R3HDM1: variants seen among roughly 807,000 people sequenced by gnomAD.
R3HDM1 encodes the protein R3H domain-containing protein 1.
In R3HDM1, 46 loss-of-function variants were observed where a neutral mutation model predicts 141.1. That is an observed-to-expected ratio of 0.33 (90% CI 0.26 to 0.42). The LOEUF (loss-of-function observed/expected upper bound fraction) is 0.42. Ranked by LOEUF, R3HDM1 falls within the 10% of genes least tolerant of loss-of-function variation. The pLI, the probability that R3HDM1 is intolerant of heterozygous loss-of-function variation, is 1.00. For synonymous variants in R3HDM1, 435 were observed against 472.9 expected, an observed-to-expected ratio of 0.92 and a Z score of 1.04; for missense variants, 1,184 against 1,368.3, an observed-to-expected ratio of 0.87 and a Z score of 2.12.
At chr2:135,552,844 G>A (rs1700075628) in intron 1 of R3HDM1, among the ~76,000 whole-genome samples, 1 of 152,022 alleles carries the variant, frequency 6.6e-6, no homozygotes, top group Admixed American at 6.6e-5. Flanking sequence ...TTTGTGAAGT[G>A]GAACAGTTTG....
chr2:135,717,635 T>C (rs139902179), intron 24 of R3HDM1, among the ~76,000 whole-genome samples: 114 of 152,226 alleles, frequency 7.5e-4, no homozygotes, highest in African/African-American at 2.6e-3. Context: ...ACCTGGGTGA[T>C]AAAATAATAA....
At chr2:135,666,355 A>G (rs1395576587) in intron 19 of R3HDM1, among the ~76,000 whole-genome samples, 4 of 152,348 alleles carry the variant, frequency 2.6e-5, no homozygotes, top group Admixed American at 6.5e-5. Context: ...CAATCCAAGT[A>G]ATAGGAATTT....
intron 1 of R3HDM1, among the ~76,000 whole-genome samples, chr2:135,563,032 ATCC>A (rs1702072067): frequency 6.6e-6 from 1 of 152,194 alleles, no homozygotes; most frequent in African/African-American, 2.4e-5. Context: ...TTATTTGGTC[ATCC>A]TCACTGTTGT....
At position 135,667,699 on chromosome 2, in the gene R3HDM1, CT is replaced by C. The variant is rs1219804775; in HGVS notation, c.2152+6310del. The C allele has an allele frequency of 7.2e-6, 7 of 977,120 alleles. No homozygotes were observed. In the African/African-American group the frequency reaches 1.2e-4, roughly 17 times the overall value. The allele number at this position is 977,120 out of a possible 1,614,324, so 60.5% of individuals were successfully genotyped here. On this transcript the variant is annotated intron_variant, in intron 19 of 26. Transcript: ENST00000683871. The stretch of plus-strand genomic sequence containing the variant: ...GTAGCATTTTTGAAACCTGTTGATA[CT>C]TTTCATTCTCTAGAAATCTACTTCT...
chr2:135,583,770 A>G (rs1316704053), intron 1 of R3HDM1: 10 of 985,356 alleles, frequency 1.0e-5, no homozygotes, highest in Non-Finnish European at 1.2e-5. Context: ...AGATCTTTAA[A>G]AAGTTCCGCA....
intron 1 of R3HDM1, among the ~76,000 whole-genome samples, chr2:135,546,127 CAA>C (rs1698650203): frequency 6.6e-6 from 1 of 152,200 alleles, no homozygotes; most frequent in African/African-American, 2.4e-5. Context: ...ATTCTAGTGA[CAA>C]GAGCGCATTC....
At chr2:135,549,769 G>A (rs1212762759) in intron 1 of R3HDM1, among the ~76,000 whole-genome samples, 1 of 152,120 alleles carries the variant, frequency 6.6e-6, no homozygotes, top group African/African-American at 2.4e-5. Context: ...TAAATGGAAT[G>A]GGTGTTTTAC....
At chr2:135,639,198 A>G in intron 14 of R3HDM1, 76 bp downstream of exon 14, 3 of 1,364,018 alleles carry the variant, frequency 2.2e-6, no homozygotes, top group Non-Finnish European at 3.1e-6. Context: ...TATTTATCAG[A>G]TGGCTTCTAA....
intron 1 of R3HDM1, among the ~76,000 whole-genome samples, chr2:135,547,163 G>C (rs1006181296): frequency 6.6e-6 from 1 of 152,116 alleles, no homozygotes; most frequent in African/African-American, 2.4e-5. Flanking sequence ...GAAGGCATGG[G>C]ATAGAAAACT....
At chr2:135,587,356 A>G (rs1380043700) in intron 1 of R3HDM1, among the ~76,000 whole-genome samples, 2 of 152,062 alleles carry the variant, frequency 1.3e-5, no homozygotes, top group South Asian at 2.1e-4. Context: ...AATTGTTATG[A>G]TATGAATTCC....
intron 1 of R3HDM1, among the ~76,000 whole-genome samples, chr2:135,572,091 G>A (rs1305272093): frequency 3.3e-5 from 5 of 152,132 alleles, no homozygotes; most frequent in Admixed American, 1.3e-4. Context: ...CCAGGTGGCT[G>A]GGATTACAGG....
At chr2:135,639,569 T>G (rs1330505703) in intron 14 of R3HDM1, among the ~76,000 whole-genome samples, 1 of 152,198 alleles carries the variant, frequency 6.6e-6, no homozygotes, top group Admixed American at 6.5e-5. Flanking sequence ...TTAAAAAAAT[T>G]AAATTGCTGA....
intron 7 of R3HDM1, among the ~76,000 whole-genome samples, chr2:135,629,469 G>C (rs1380538723): frequency 6.6e-6 from 1 of 152,180 alleles, no homozygotes; most frequent in Non-Finnish European, 1.5e-5. Flanking sequence ...CCTTCTGGAT[G>C]AAGTAATTTT....
intron 1 of R3HDM1, among the ~76,000 whole-genome samples, chr2:135,600,792 G>A (rs1300201134): frequency 6.6e-6 from 1 of 152,148 alleles, no homozygotes; most frequent in Non-Finnish European, 1.5e-5. Context: ...GTGTGACTTT[G>A]AAGAAGTCAT....
intron 19 of R3HDM1, chr2:135,670,464 C>A: frequency 1.1e-6 from 1 of 888,924 alleles, no homozygotes. Flanking sequence ...TAAATACTTT[C>A]TTCCCATACA....
chr2:135,562,153 G>A (rs1321231179), intron 1 of R3HDM1, among the ~76,000 whole-genome samples: 1 of 152,158 alleles, frequency 6.6e-6, no homozygotes, highest in African/African-American at 2.4e-5. Flanking sequence ...AATGAAATCT[G>A]TCTTTTATAA....
chr2:135,623,587 A>G (rs938150095), intron 7 of R3HDM1, among the ~76,000 whole-genome samples: 41 of 152,334 alleles, frequency 2.7e-4, no homozygotes, highest in African/African-American at 9.9e-4. Flanking sequence ...TGGTCTCTAT[A>G]ATAGGAGCTG....
At chr2:135,632,219 A>G (rs1368932643) in intron 9 of R3HDM1, among the ~76,000 whole-genome samples, 5 of 152,018 alleles carry the variant, frequency 3.3e-5, no homozygotes, top group African/African-American at 7.2e-5. Flanking sequence ...ACTGGGGCAT[A>G]TGGTAAAAAA....
At chr2:135,579,697 G>C (rs970583111) in intron 1 of R3HDM1, among the ~76,000 whole-genome samples, 4 of 151,918 alleles carry the variant, frequency 2.6e-5, no homozygotes, top group Non-Finnish European at 5.9e-5. Flanking sequence ...TGCACTGAAA[G>C]GGCACAATTT....
Sources: allele counts gnomAD v4.1 joint callset (sites outside exome capture counted in the v4.1 genomes callset), GRCh38; gene constraint gnomAD v4.1.1; transcripts MANE v1.5; gene names NCBI Gene and HGNC (gene_info 2026-07-23, HGNC 2026-07-21).